SLC4A4: variants seen among roughly 807,000 people sequenced by gnomAD.
SLC4A4 encodes the protein electrogenic sodium bicarbonate cotransporter 1.
SLC4A4 carries 27 observed loss-of-function variants against 111.5 expected under a neutral mutation model. The ratio of observed to expected loss-of-function variants is 0.24; its 90% CI spans 0.18 to 0.33. The LOEUF is 0.33. Ranked by LOEUF, SLC4A4 falls within the 10% of genes least tolerant of loss-of-function variation. The probability of loss-of-function intolerance (pLI) is 1.00; values close to 1 mark genes in which losing one functional copy is unlikely to be tolerated. For missense variants in SLC4A4, 909 were observed against 1,315.5 expected, an observed-to-expected ratio of 0.69 and a Z score of 4.78; for synonymous variants, 443 against 463.4, an observed-to-expected ratio of 0.96 and a Z score of 0.57.
chr4:71,425,240 C>A (rs1723012456), intron 7 of SLC4A4, among the ~76,000 whole-genome samples: 1 of 152,070 alleles, frequency 6.6e-6, no homozygotes, highest in South Asian at 2.1e-4. Context: ...AAACAAAGGC[C>A]AAGGAACCCT....
In SLC4A4 at chr4:71,548,063, T is replaced by C. The variant is rs1420159678; in HGVS notation, c.2694+343T>C. ...ACACACATTTTTTATTCTCCTTGTC[T>C]TTTATACATTCTTTCTTCTATCACC... On this transcript the variant is annotated intron_variant, in intron 20 of 25. Coordinates refer to ENST00000264485, the MANE Select transcript of SLC4A4 (RefSeq NM_001098484.3). 3.9e-5 allele frequency among the ~76,000 whole-genome samples: 6 copies of C among 152,068 alleles called. No homozygotes were observed. The East Asian group carries it at 1.2e-3, about 30-fold the overall frequency.
intron 6 of SLC4A4, among the ~76,000 whole-genome samples, chr4:71,369,820 G>A (rs1731688377): frequency 6.6e-6 from 1 of 152,132 alleles, no homozygotes; most frequent in Admixed American, 6.5e-5. Context: ...AGTATTAAGA[G>A]ATGAATAAGG....
At position 71,339,445 on chromosome 4, in the gene SLC4A4, C is replaced by T. The variant is rs748205618; in HGVS notation, c.329C>T (p.Thr110Met). 17 of 1,613,960 alleles carry T rather than the reference C, an allele frequency of 1.1e-5. No homozygotes were observed. The highest frequency in any genetic ancestry group is 6.7e-5 in the Admixed American group (4 of 59,988). The change falls in exon 4 of 26, where the codon ACG becomes ATG. Residue 110 changes from threonine (T) to methionine (M), a missense_variant. Coordinates refer to ENST00000264485, the MANE Select transcript of SLC4A4 (RefSeq NM_001098484.3). ...AGCCCAGCTCCCCCTCAGCTCTTCACGGAACTGGATGAGCTGCTGGCCGTG... is the reference window on the plus strand; with the variant it reads ...AGCCCAGCTCCCCCTCAGCTCTTCATGGAACTGGATGAGCTGCTGGCCGTG... ...DDSPAPPQLFTELDELLAVDG... is the reference protein window; with the variant it reads ...DDSPAPPQLFMELDELLAVDG...
chr4:71,306,318 C>T (rs1187245802), intron 3 of SLC4A4, among the ~76,000 whole-genome samples: 1 of 152,196 alleles, frequency 6.6e-6, no homozygotes, highest in Non-Finnish European at 1.5e-5. Flanking sequence ...CGCGGTGGCT[C>T]ACACCTGTAA....
intron 2 of SLC4A4, among the ~76,000 whole-genome samples, chr4:71,152,031 T>G (rs561807992): frequency 6.6e-6 from 1 of 151,824 alleles, no homozygotes; most frequent in Non-Finnish European, 1.5e-5. Flanking sequence ...CAAAAAAAAA[T>G]TTTCTTTCAG....
rs768882438 is a variant in SLC4A4, at chr4:71,472,903, C to T, written c.1836C>T (p.Pro612=). 1.9e-6 allele frequency: 3 copies of T among 1,612,936 alleles called. No individual in the cohort carries two copies. Among genetic ancestry groups the T allele is most frequent in the South Asian group, 1.1e-5 (1 of 91,044 alleles). Residue 612 remains proline (P), a synonymous_variant, in exon 14 of 26, where the codon CCC becomes CCT. Transcript: ENST00000264485. ...TGATCAAGCTTGCAGATTACTACCC[C>T]ATCAACTCCAACTTCAAAGTGGGCT... is the stretch of plus-strand genomic sequence containing the variant. ...KKMIKLADYY[P]INSNFKVGYN...
At chr4:71,489,899 G>A (rs16846453) in intron 15 of SLC4A4, among the ~76,000 whole-genome samples, 1,809 of 151,864 alleles carry the variant, frequency 0.012, 40 homozygotes, top group African/African-American at 0.04. Flanking sequence ...CTAGCATGAA[G>A]ACAAGCTTTC....
intron 20 of SLC4A4, among the ~76,000 whole-genome samples, chr4:71,550,250 CA>C (rs1291325491): frequency 2.1e-4 from 32 of 152,114 alleles, no homozygotes; most frequent in African/African-American, 7.5e-4. Flanking sequence ...CAAGGATTCG[CA>C]GTTGTGATTC....
chr4:71,569,625 A>G lies in SLC4A4; in HGVS notation c.*1874A>G, dbSNP rs905278646. On this transcript the variant is annotated 3_prime_UTR_variant, in exon 26 of 26. Transcript: ENST00000264485. ...AGATTCATATAACCACAACTGTGAT[A>G]TATCCTAACTATAACCAGTTGTTGA... 6.6e-5 allele frequency: 10 copies of G among 151,746 alleles called. No homozygotes were observed. The highest frequency in any genetic ancestry group is 4.6e-4 in the Admixed American group (7 of 15,202). The allele number at this position is 151,746 out of a possible 1,614,324, so 9.4% of individuals were successfully genotyped here. A position where few individuals can be genotyped will look rare whatever the true frequency, so the allele number is the denominator to read the frequency against.
chr4:71,366,252 A>G (rs1731291336), intron 6 of SLC4A4, among the ~76,000 whole-genome samples: 1 of 151,636 alleles, frequency 6.6e-6, no homozygotes, highest in South Asian at 2.1e-4. Context: ...AAACTTCACC[A>G]TGAATAAAAT....
intron 3 of SLC4A4, among the ~76,000 whole-genome samples, chr4:71,331,926 A>G (rs1728031876): frequency 6.6e-6 from 1 of 152,058 alleles, no homozygotes. Flanking sequence ...TGTGTCTAAG[A>G]TTTGTCCATT....
chr4:71,416,031 A>G (rs1286010379), intron 7 of SLC4A4, among the ~76,000 whole-genome samples: 1 of 152,256 alleles, frequency 6.6e-6, no homozygotes. Flanking sequence ...CAGCTAATAA[A>G]TGGAAGAACT....
At chr4:71,526,420 G>A (rs1339738541) in intron 16 of SLC4A4, among the ~76,000 whole-genome samples, 2 of 152,006 alleles carry the variant, frequency 1.3e-5, no homozygotes, top group African/African-American at 4.8e-5. Context: ...TATTAATAGG[G>A]TGGCTTTTTT....
chr4:71,560,087 T>TTTCAGATC lies in SLC4A4; in HGVS notation c.2938-3_2942dup. 1 of 1,606,672 alleles carries TTTCAGATC rather than the reference T, an allele frequency of 6.2e-7. No homozygotes were observed. The highest frequency in any genetic ancestry group is 8.5e-7 in the Non-Finnish European group (1 of 1,173,954). ...TCTTTCATACTTTTAATATTTGCTCTTTCAGATCTTGGCACTTGTAGCTGT... is the reference window on the plus strand; with the variant it reads ...TCTTTCATACTTTTAATATTTGCTCTTTCAGATCTTCAGATCTTGGCACTTGTAGCTGT... On this transcript the variant is annotated splice_region_variant and splice_polypyrimidine_tract_variant and intron_variant, in intron 22 of 25. Coordinates refer to ENST00000264485, the MANE Select transcript of SLC4A4 (RefSeq NM_001098484.3).
chr4:71,206,821 T>G (rs1326157692), intron 1 of SLC4A4, among the ~76,000 whole-genome samples: 1 of 151,564 alleles, frequency 6.6e-6, no homozygotes, highest in Non-Finnish European at 1.5e-5. Flanking sequence ...ATTATTATTA[T>G]TATTTTAGAA....
At chr4:71,493,710 C>T (rs1356605576) in intron 15 of SLC4A4, among the ~76,000 whole-genome samples, 3 of 148,766 alleles carry the variant, frequency 2.0e-5, no homozygotes, top group Non-Finnish European at 3.0e-5. Context: ...TCTCCTTTCT[C>T]CATTCTTGCA....
At chr4:71,316,541 T>A (rs1312404978) in intron 3 of SLC4A4, among the ~76,000 whole-genome samples, 2 of 152,124 alleles carry the variant, frequency 1.3e-5, no homozygotes, top group Non-Finnish European at 2.9e-5. Flanking sequence ...ACTTATTTAT[T>A]TATTATGATT....
Position 71,147,239 on chromosome 4 carries a change from C to A in SLC4A4, c.-2+54447C>A, listed in dbSNP as rs537342677. Among the ~76,000 whole-genome samples the A allele has an allele frequency of 2.6e-5, 4 of 151,670 alleles. No individual in the cohort carries two copies. In the South Asian group the frequency reaches 8.4e-4, roughly 32 times the overall value. The stretch of plus-strand genomic sequence containing the variant: ...TGAATTTTGTTGTTTAACAAGAAGC[C>A]CTCCCCTTTCTCTCCTTTCAAATTT... On this transcript the variant is annotated intron_variant, in intron 2 of 26. Coordinates refer to the SLC4A4 transcript ENST00000649996.
chr4:71,407,664 T>A (rs776518178), intron 7 of SLC4A4, among the ~76,000 whole-genome samples: 7 of 152,092 alleles, frequency 4.6e-5, no homozygotes, highest in African/African-American at 4.8e-5. Flanking sequence ...CTATCTAGAG[T>A]TTAGCAATAC....
Sources: gnomAD v4.1 joint callset for allele counts (sites outside exome capture counted in the v4.1 genomes callset) on GRCh38, gnomAD v4.1.1 for gene constraint, MANE v1.5 for transcripts, NCBI Gene and HGNC (gene_info 2026-07-23, HGNC 2026-07-21) for gene names.